LTBP1: variants seen among roughly 807,000 people sequenced by gnomAD.
LTBP1 encodes the protein latent-transforming growth factor beta-binding protein 1.
LTBP1 carries 129 observed loss-of-function variants against 207.6 expected under a neutral mutation model. That is an observed-to-expected ratio of 0.62 (90% CI 0.54 to 0.72). The LOEUF is 0.72. Among genes scored for constraint, LTBP1 ranks in the 30% least tolerant of loss-of-function variants. The pLI is 0.00. For missense variants in LTBP1, 2,281 were observed against 2,217.2 expected (o/e 1.03, Z -0.58); for synonymous variants, 963 against 833.7 (o/e 1.16, Z -2.67).
At chr2:32,971,020 G>A (rs1157749937) in intron 2 of LTBP1, among the ~76,000 whole-genome samples, 1 of 150,984 alleles carries the variant, frequency 6.6e-6, no homozygotes, top group East Asian at 1.9e-4. Flanking sequence ...GTGTGTGTGT[G>A]TGTGTGTGTG....
intron 3 of LTBP1, among the ~76,000 whole-genome samples, chr2:33,053,503 C>G (rs554262671): frequency 6.6e-6 from 1 of 152,072 alleles, no homozygotes; most frequent in Non-Finnish European, 1.5e-5. Flanking sequence ...GCAGCCCTCG[C>G]TCGCTCTCGG....
chr2:33,391,161 C>T (rs773228807), intron 32 of LTBP1, among the ~76,000 whole-genome samples: 2 of 151,788 alleles, frequency 1.3e-5, no homozygotes, highest in Non-Finnish European at 2.9e-5. Flanking sequence ...TTCTATTAAT[C>T]CAGCTAGGCT....
intron 9 of LTBP1, among the ~76,000 whole-genome samples, chr2:33,234,269 C>CAGTTGCATTATCATAAGTG (rs1374889991): frequency 7.2e-5 from 11 of 152,108 alleles, no homozygotes; most frequent in Non-Finnish European, 1.6e-4. Flanking sequence ...AAGTTGCCTT[C>CAGTTGCATTATCATAAGTG]AGTTGCATTA....
intron 31 of LTBP1, among the ~76,000 whole-genome samples, chr2:33,381,346 G>C (rs979454819): frequency 6.6e-6 from 1 of 151,982 alleles, no homozygotes; most frequent in African/African-American, 2.4e-5. Flanking sequence ...ATTTTGTCTT[G>C]CTAAATAAAC....
chr2:32,969,444 G>A (rs1450417807), intron 2 of LTBP1, among the ~76,000 whole-genome samples: 2 of 151,882 alleles, frequency 1.3e-5, no homozygotes, highest in East Asian at 1.9e-4. Flanking sequence ...CCACCCTCAC[G>A]TAGGCCCAGT....
intron 7 of LTBP1, among the ~76,000 whole-genome samples, chr2:33,190,027 CAAAA>C (rs940758165): frequency 1.3e-5 from 2 of 151,418 alleles, no homozygotes; most frequent in Non-Finnish European, 2.9e-5. Flanking sequence ...GACTCTGTCT[CAAAA>C]GAAAGAAAAA....
intron 33 of LTBP1, among the ~76,000 whole-genome samples, chr2:33,397,500 A>G (rs1325757027): frequency 2.3e-5 from 3 of 128,500 alleles, no homozygotes; most frequent in Non-Finnish European, 4.7e-5. Flanking sequence ...GTATTTTACC[A>G]CAATTCTTTT....
At chr2:33,138,709 A>G (rs1039927857) in intron 5 of LTBP1, among the ~76,000 whole-genome samples, 1 of 152,194 alleles carries the variant, frequency 6.6e-6, no homozygotes, top group Non-Finnish European at 1.5e-5. Context: ...ACTTGGTATA[A>G]CTTATTTGTG....
rs148344243 is a variant in LTBP1, at chr2:33,360,381, T to A, written c.4001-216T>A. On this transcript the variant is annotated intron_variant, in intron 26 of 33. Coordinates refer to ENST00000404816, the MANE Select transcript of LTBP1 (RefSeq NM_206943.4). ...GTAAAAGGAAATGGTTTTGACAGAT[T>A]TACACTCTTGGGGTATGTTAGAATT... is the stretch of plus-strand genomic sequence containing the variant. Among the ~76,000 whole-genome samples the A allele has an allele frequency of 2.5e-3, 381 of 152,316 alleles. 4 individuals carry two copies. The highest frequency in any genetic ancestry group is 8.7e-3 in the African/African-American group (363 of 41,584).
At chr2:33,266,351 A>G (rs2093175891) in intron 15 of LTBP1, among the ~76,000 whole-genome samples, 1 of 152,186 alleles carries the variant, frequency 6.6e-6, no homozygotes, top group Non-Finnish European at 1.5e-5. Flanking sequence ...GCCCCTCAGC[A>G]TGAATAGCCT....
At chr2:33,093,633 A>T (rs2079226981) in intron 3 of LTBP1, among the ~76,000 whole-genome samples, 1 of 152,170 alleles carries the variant, frequency 6.6e-6, no homozygotes, top group African/African-American at 2.4e-5. Context: ...ATGTACGCAC[A>T]TGTGTATATA....
intron 2 of LTBP1, among the ~76,000 whole-genome samples, chr2:32,972,110 G>GTTT (rs1452965291): frequency 2.0e-4 from 19 of 97,146 alleles, no homozygotes; most frequent in Non-Finnish European, 5.3e-4. Context: ...GAGTCTCTGA[G>GTTT]TTTTTTGTTT....
At chr2:33,258,118 T>G (rs79933772) in intron 12 of LTBP1, among the ~76,000 whole-genome samples, 10,918 of 152,270 alleles carry the variant, frequency 0.072, 427 homozygotes, top group Middle Eastern at 0.14. Flanking sequence ...GGAAATAGTT[T>G]AAGGCTTATA....
chr2:33,141,606 G>A (rs2082650093), intron 5 of LTBP1, among the ~76,000 whole-genome samples: 1 of 152,194 alleles, frequency 6.6e-6, no homozygotes, highest in African/African-American at 2.4e-5. Context: ...AATGGGGAGT[G>A]TTGGTGGAAG....
chr2:33,167,262 A>G (rs1157497911), intron 5 of LTBP1, among the ~76,000 whole-genome samples: 2 of 152,194 alleles, frequency 1.3e-5, no homozygotes, highest in Non-Finnish European at 2.9e-5. Context: ...AGGCAAGACA[A>G]CATTAAAACT....
chr2:33,045,980 G>C (rs1018120364), intron 3 of LTBP1, among the ~76,000 whole-genome samples: 2 of 152,198 alleles, frequency 1.3e-5, no homozygotes, highest in Non-Finnish European at 2.9e-5. Context: ...CTGAGAATTT[G>C]CTGAAGTTGC....
intron 7 of LTBP1, 94 bp from the exon 8 acceptor site, chr2:33,217,458 C>A: frequency 2.9e-6 from 2 of 695,294 alleles, no homozygotes; most frequent in Admixed American, 2.2e-5. Flanking sequence ...AACAAGGGAA[C>A]TGGTTTATAG....
At chr2:33,217,437 A>T in intron 7 of LTBP1, 115 bp from the exon 8 acceptor site, 2 of 589,242 alleles carry the variant, frequency 3.4e-6, no homozygotes, top group South Asian at 2.4e-5. Flanking sequence ...TTCCTTTCTA[A>T]TTGTGTCGAT....
rs1017732406 is a variant in LTBP1, at chr2:33,203,791, C to G, written c.1702-13761C>G. ...ATTGAAAATAATAATTATGGAGCAGCTCAGAGTGGAAGCATGTTGAGCTAC... is the reference window on the plus strand; with the variant it reads ...ATTGAAAATAATAATTATGGAGCAGGTCAGAGTGGAAGCATGTTGAGCTAC... On this transcript the variant is annotated intron_variant, in intron 7 of 33. Coordinates refer to ENST00000404816, the MANE Select transcript of LTBP1 (RefSeq NM_206943.4). Among the ~76,000 whole-genome samples the G allele has an allele frequency of 4.6e-5, 7 of 152,116 alleles. No homozygotes were observed. The East Asian group carries it at 1.2e-3, about 25-fold the overall frequency.
Sources: gnomAD v4.1 joint callset for allele counts (sites outside exome capture counted in the v4.1 genomes callset) on GRCh38, gnomAD v4.1.1 for gene constraint, MANE v1.5 for transcripts, NCBI Gene and HGNC (gene_info 2026-07-23, HGNC 2026-07-21) for gene names.